DAAM2: variants seen among roughly 807,000 people sequenced by gnomAD.
DAAM2 encodes the protein disheveled-associated activator of morphogenesis 2.
Under a neutral mutation model 120.7 loss-of-function variants are expected in DAAM2, and 39 were observed. The observed-to-expected ratio is 0.32, with a 90% CI of 0.25 to 0.42. DAAM2 has a LOEUF of 0.42. Ranked by LOEUF, DAAM2 falls within the 10% of genes least tolerant of loss-of-function variation. The pLI is 1.00. For missense variants in DAAM2, 1,283 were observed against 1,401.7 expected (o/e 0.92, Z 1.35); for synonymous variants, 488 against 524.9 (o/e 0.93, Z 0.96).
At chr6:39,893,379 A>C (rs964594315) in intron 19 of DAAM2, among the ~76,000 whole-genome samples, 2 of 152,130 alleles carry the variant, frequency 1.3e-5, no homozygotes, top group African/African-American at 4.8e-5. Flanking sequence ...TTAGCCGGGC[A>C]TGGAGGTGGG....
chr6:39,815,651 T>TAC (rs56736428), intron 1 of DAAM2, among the ~76,000 whole-genome samples: 20,756 of 148,772 alleles, frequency 0.14, 1,558 homozygotes, highest in Non-Finnish European at 0.18. Flanking sequence ...ACCCCTGGTT[T>TAC]ACACACACAC....
At chr6:39,870,647 G>A (rs937892914) in intron 8 of DAAM2, among the ~76,000 whole-genome samples, 1 of 152,182 alleles carries the variant, frequency 6.6e-6, no homozygotes, top group African/African-American at 2.4e-5. Context: ...TGATGTTATA[G>A]ACAGGTGAAC....
rs1023195914 is a variant in DAAM2, at chr6:39,792,398, C to G, written c.-124C>G. On this transcript the variant is annotated 5_prime_UTR_variant, in exon 1 of 25. Coordinates refer to ENST00000274867, the MANE Select transcript of DAAM2 (RefSeq NM_001201427.2). ...GGGGATAGCGCGGAGCACGCAGCAGCGAGCGGAGCGCGGGCGGCGGCGCCG... is the reference window on the plus strand; with the variant it reads ...GGGGATAGCGCGGAGCACGCAGCAGGGAGCGGAGCGCGGGCGGCGGCGCCG... The G allele has an allele frequency of 1.3e-5, 2 of 152,204 alleles. No individual in the cohort carries two copies. The highest frequency in any genetic ancestry group is 4.8e-5 in the African/African-American group (2 of 41,450). 9.4% of individuals were successfully genotyped at this position (152,204 alleles called of 1,614,324 possible).
intron 1 of DAAM2, among the ~76,000 whole-genome samples, chr6:39,843,837 T>C (rs917485426): frequency 9.9e-5 from 15 of 151,814 alleles, no homozygotes; most frequent in African/African-American, 3.6e-4. Context: ...GATGGGGAGA[T>C]GGGGAAGAGA....
chr6:39,886,461 G>A (rs904444066), intron 15 of DAAM2: 6 of 399,400 alleles, frequency 1.5e-5, no homozygotes, highest in Non-Finnish European at 2.2e-5. Context: ...AGTTACTCTC[G>A]GGGCTCTGAC....
intron 1 of DAAM2, among the ~76,000 whole-genome samples, chr6:39,805,820 G>A (rs1761994804): frequency 6.6e-6 from 1 of 152,112 alleles, no homozygotes; most frequent in Admixed American, 6.5e-5. Flanking sequence ...CCAAAGTGCT[G>A]GGATTATAGG....
chr6:39,899,153 G>T, intron 22 of DAAM2: 1 of 560,830 alleles, frequency 1.8e-6, no homozygotes, highest in Non-Finnish European at 3.2e-6. Flanking sequence ...GTCCAACTTG[G>T]TATCTATTTG....
chr6:39,848,157 T>C (rs72857165), intron 1 of DAAM2, among the ~76,000 whole-genome samples: 15,569 of 152,184 alleles, frequency 0.1, 1,585 homozygotes, highest in African/African-American at 0.26. Flanking sequence ...TTGACACTTC[T>C]TCTGGTGAAT....
chr6:39,897,121 C>T (rs984910545), intron 20 of DAAM2, 54 bp from the exon 21 acceptor site: 5 of 1,534,880 alleles, frequency 3.3e-6, no homozygotes, highest in Middle Eastern at 1.7e-4. Context: ...GACCCTCTGA[C>T]CCTCGTGCCC....
At chr6:39,828,878 T>C (rs964070489) in intron 1 of DAAM2, among the ~76,000 whole-genome samples, 1 of 152,116 alleles carries the variant, frequency 6.6e-6, no homozygotes, top group African/African-American at 2.4e-5. Context: ...ACTTAATCAC[T>C]TCCCAAAAGG....
At chr6:39,817,684 A>G (rs1456237213) in intron 1 of DAAM2, among the ~76,000 whole-genome samples, 1 of 152,200 alleles carries the variant, frequency 6.6e-6, no homozygotes, top group Admixed American at 6.5e-5. Context: ...AGGGTAGGCC[A>G]GCAGGCTGGA....
chr6:39,901,101 C>G lies in DAAM2; in HGVS notation c.2812-201C>G, dbSNP rs1403320814. 1.3e-5 allele frequency among the ~76,000 whole-genome samples: 2 copies of G among 152,128 alleles called. No individual in the cohort carries two copies. The highest frequency in any genetic ancestry group is 6.5e-5 in the Admixed American group (1 of 15,276). On this transcript the variant is annotated intron_variant, in intron 23 of 24. Coordinates refer to ENST00000274867, the MANE Select transcript of DAAM2 (RefSeq NM_001201427.2). The surrounding 1 kb of genome is among the most constrained non-coding windows in gnomAD (Gnocchi z 4.5). ...TAAGGTGGACTGAGTGAGCCCAACT[C>G]TTTACCTGCCTCTCCTTAGCCTTGT...
chr6:39,875,706 A>T (rs560407990), intron 11 of DAAM2, among the ~76,000 whole-genome samples: 2 of 152,342 alleles, frequency 1.3e-5, no homozygotes, highest in South Asian at 4.1e-4. Flanking sequence ...ATGACCAAGG[A>T]ACTGAATCTT....
At chr6:39,808,153 G>A (rs1004201363) in intron 1 of DAAM2, among the ~76,000 whole-genome samples, 17 of 151,180 alleles carry the variant, frequency 1.1e-4, no homozygotes, top group Admixed American at 1.3e-4. Flanking sequence ...AAATAGGGTC[G>A]TAGTAGTATA....
intron 17 of DAAM2, among the ~76,000 whole-genome samples, chr6:39,889,641 C>A (rs1212384647): frequency 6.6e-6 from 1 of 152,128 alleles, no homozygotes; most frequent in Non-Finnish European, 1.5e-5. Context: ...GAGGCATTGA[C>A]CCTCCATGCA....
intron 4 of DAAM2, 34 bp from the exon 5 acceptor site, chr6:39,864,946 G>A (rs1442730008): frequency 6.4e-7 from 1 of 1,573,766 alleles, no homozygotes; most frequent in Admixed American, 1.9e-5. Context: ...AGGGTTGGGA[G>A]ACAGGCAGCC....
chr6:39,899,276 G>A (rs1258045477), intron 22 of DAAM2, among the ~76,000 whole-genome samples: 8 of 152,220 alleles, frequency 5.3e-5, no homozygotes, highest in Non-Finnish European at 1.2e-4. Context: ...AGCACGCAAT[G>A]TGGCAGTGGG....
chr6:39,887,434 G>C, intron 15 of DAAM2, 52 bp from the exon 16 acceptor site: 1 of 1,353,044 alleles, frequency 7.4e-7, no homozygotes, highest in African/African-American at 1.4e-5. Context: ...GCGGGTAAGA[G>C]GAGGATTAGG....
At chr6:39,882,721 A>G (rs906760274) in intron 14 of DAAM2, among the ~76,000 whole-genome samples, 1 of 145,484 alleles carries the variant, frequency 6.9e-6, no homozygotes, top group African/African-American at 2.8e-5. Flanking sequence ...ACACACACGC[A>G]CACACACACA....
Sources: gnomAD v4.1 joint callset for allele counts (sites outside exome capture counted in the v4.1 genomes callset) on GRCh38, gnomAD v4.1.1 for gene constraint, Gnocchi (gnomAD v3.1) non-coding constraint, MANE v1.5 for transcripts, NCBI Gene and HGNC (gene_info 2026-07-23, HGNC 2026-07-21) for gene names.